Variants in MAP7D2 observed in about 807,000 individuals in gnomAD.
MAP7D2 encodes MAP7 domain-containing protein 2.
Under a neutral mutation model 63.5 loss-of-function variants are expected in MAP7D2, and 33 were observed. That is an observed-to-expected ratio of 0.52 (90% confidence interval 0.39 to 0.70). The LOEUF is 0.70. Ranked by LOEUF, MAP7D2 falls within the 30% of genes least tolerant of loss-of-function variation. The probability of loss-of-function intolerance (pLI) is 0.00; values close to 1 mark genes in which losing one functional copy is unlikely to be tolerated. For missense variants in MAP7D2, 626 were observed against 604.0 expected, an observed-to-expected ratio of 1.04 and a Z score of -0.38; for synonymous variants, 224 against 223.7, an observed-to-expected ratio of 1.00 and a Z score of -0.01.
chrX:20,049,825 C>T (rs1466365166), intron 6 of MAP7D2: 2 of 325,365 alleles, frequency 6.1e-6, no homozygotes, highest in Non-Finnish European at 1.2e-5. Flanking sequence ...AGAGTGTCTC[C>T]ACACCTCCAC....
intron 7 of MAP7D2, among the ~76,000 whole-genome samples, chrX:20,043,515 G>A (rs941057760): frequency 1.8e-5 from 2 of 110,998 alleles, no homozygotes; most frequent in African/African-American, 3.3e-5. Flanking sequence ...GTGAGGAACC[G>A]AGGCCTCCTG....
chrX:20,105,742 T>C (rs1355228357), intron 1 of MAP7D2, among the ~76,000 whole-genome samples: 2 of 111,353 alleles, frequency 1.8e-5, no homozygotes, highest in East Asian at 2.8e-4. Context: ...GCAGCAGGGA[T>C]TCCTGACCCC....
At chrX:20,065,062 TC>T (rs1367719971) in intron 1 of MAP7D2, among the ~76,000 whole-genome samples, 2 of 111,108 alleles carry the variant, frequency 1.8e-5, no homozygotes, top group African/African-American at 3.3e-5. Flanking sequence ...CAAAGCCCCT[TC>T]CTTAATCCTT....
intron 1 of MAP7D2, among the ~76,000 whole-genome samples, chrX:20,093,289 G>A (rs2066117448): frequency 9.0e-6 from 1 of 111,471 alleles, no homozygotes; most frequent in African/African-American, 3.3e-5. Context: ...GGGAGGGAGG[G>A]AAGGGGAAAA....
intron 1 of MAP7D2, among the ~76,000 whole-genome samples, chrX:20,105,642 G>A (rs1273056166): frequency 9.0e-6 from 1 of 111,533 alleles, no homozygotes; most frequent in Non-Finnish European, 1.9e-5. Context: ...CTGTGGACAA[G>A]GCACTAGGAA....
intron 4 of MAP7D2, among the ~76,000 whole-genome samples, chrX:20,055,473 C>A (rs2065046962): frequency 8.9e-6 from 1 of 111,789 alleles, no homozygotes; most frequent in Non-Finnish European, 1.9e-5. Flanking sequence ...AAATCCAACA[C>A]TGACAAGATT....
intron 1 of MAP7D2, among the ~76,000 whole-genome samples, chrX:20,072,459 C>T (rs1226449009): frequency 8.9e-6 from 1 of 111,883 alleles, no homozygotes; most frequent in Non-Finnish European, 1.9e-5. Flanking sequence ...AAGGGCAGGG[C>T]TATGTTCCAT....
Position 20,053,001 on chromosome X carries a change from G to A in MAP7D2, c.485-13C>T. 1.8e-6 allele frequency: 2 copies of A among 1,134,046 alleles called. No individual in the cohort carries two copies. Among genetic ancestry groups the A allele is most frequent in the Non-Finnish European group, 2.4e-6 (2 of 824,787 alleles). 93.5% of individuals were successfully genotyped at this position (1,134,046 alleles called of 1,213,427 possible). A position where few individuals can be genotyped will look rare whatever the true frequency, so the allele number is the denominator to read the frequency against. The stretch of plus-strand genomic sequence containing the variant: ...AGTTTGTCACATGCTGCAGAGAAAT[G>A]CATTAAAGACATTGGTATTCATCAC... On this transcript the variant is annotated splice_polypyrimidine_tract_variant and intron_variant, in intron 4 of 16. Transcript: ENST00000379643.
chrX:20,100,118 T>G (rs990080932), intron 1 of MAP7D2, among the ~76,000 whole-genome samples: 1 of 112,316 alleles, frequency 8.9e-6, no homozygotes, highest in Non-Finnish European at 1.9e-5. Flanking sequence ...AAGGACCTTT[T>G]ATTAAATCAA....
intron 8 of MAP7D2, among the ~76,000 whole-genome samples, chrX:20,037,898 C>T (rs1301252361): frequency 9.0e-6 from 1 of 111,727 alleles, no homozygotes; most frequent in African/African-American, 3.3e-5. Context: ...GTTCTGTGGA[C>T]ACCACTCAGC....
intron 1 of MAP7D2, among the ~76,000 whole-genome samples, chrX:20,108,349 C>T (rs1031175497): frequency 4.6e-5 from 5 of 109,670 alleles, no homozygotes; most frequent in South Asian, 4.0e-4. Flanking sequence ...ATTCTCGTGC[C>T]GCCGCTTCCC....
chrX:20,010,617 C>A (rs903121881), intron 16 of MAP7D2, among the ~76,000 whole-genome samples, 160 bp downstream of exon 16: 4 of 112,009 alleles, frequency 3.6e-5, no homozygotes, highest in African/African-American at 1.3e-4. Context: ...TAATTGAAAT[C>A]TGTCTCAATT....
chrX:20,061,863 G>T (rs2065233459), intron 3 of MAP7D2, among the ~76,000 whole-genome samples: 1 of 112,379 alleles, frequency 8.9e-6, no homozygotes, highest in African/African-American at 3.2e-5. Flanking sequence ...CCTGGAAGCA[G>T]CAGTGACAAG....
chrX:20,028,612 C>T (rs2073947906), intron 8 of MAP7D2, among the ~76,000 whole-genome samples: 2 of 111,600 alleles, frequency 1.8e-5, no homozygotes, highest in African/African-American at 3.3e-5. Context: ...TTTTGCTTGG[C>T]CACGTCTTCC....
chrX:20,063,722 G>A (rs764450152), intron 2 of MAP7D2, 145 bp from the exon 3 acceptor site: 14 of 599,298 alleles, frequency 2.3e-5, no homozygotes, highest in Admixed American at 3.8e-5. Context: ...AAAGGGTTCT[G>A]GTACCTCTGC....
chrX:20,024,414 G>A (rs2073767362), intron 10 of MAP7D2, among the ~76,000 whole-genome samples: 1 of 111,674 alleles, frequency 9.0e-6, no homozygotes, highest in Admixed American at 9.5e-5. Context: ...GCTCCCAGAT[G>A]GGACTCCCCA....
At chrX:20,077,176 C>T (rs942561710) in intron 1 of MAP7D2, among the ~76,000 whole-genome samples, 1 of 112,009 alleles carries the variant, frequency 8.9e-6, no homozygotes, top group South Asian at 3.7e-4. Flanking sequence ...GAGTTCTAGC[C>T]GCGCACAGTG....
intron 8 of MAP7D2, among the ~76,000 whole-genome samples, chrX:20,039,417 T>C (rs993723481): frequency 5.4e-5 from 6 of 112,145 alleles, no homozygotes; most frequent in African/African-American, 1.9e-4. Context: ...GGTTGGGGAT[T>C]GGTATGCTTC....
chrX:20,092,623 G>C (rs770998775), intron 1 of MAP7D2, among the ~76,000 whole-genome samples: 3 of 111,813 alleles, frequency 2.7e-5, no homozygotes, highest in Non-Finnish European at 5.6e-5. Flanking sequence ...AACCCTGTTG[G>C]AGGTAGGTAG....
Sources: allele counts gnomAD v4.1 joint callset (sites outside exome capture counted in the v4.1 genomes callset), GRCh38; gene constraint gnomAD v4.1.1; transcripts MANE v1.5; gene names NCBI Gene and HGNC (gene_info 2026-07-23, HGNC 2026-07-21).